The following EIF4E2 variants were observed in gnomAD, a reference collection of about 807,000 sequenced individuals.
The protein encoded by EIF4E2 is eukaryotic translation initiation factor 4E type 2.
In EIF4E2, 13 loss-of-function variants were observed where a neutral mutation model predicts 34.2. That is an observed-to-expected ratio of 0.38 (90% CI 0.25 to 0.60). The LOEUF (loss-of-function observed/expected upper bound fraction) is 0.60. Ranked by LOEUF, EIF4E2 falls within the 20% of genes least tolerant of loss-of-function variation. The pLI is 0.62. For synonymous variants in EIF4E2, 100 were observed against 106.6 expected (o/e 0.94, Z 0.38); for missense variants, 222 against 315.1 (o/e 0.70, Z 2.24).
chr2:232,556,668 C>A, intron 2 of EIF4E2, 138 bp downstream of exon 2: 1 of 656,610 alleles, frequency 1.5e-6, no homozygotes, highest in Non-Finnish European at 2.7e-6. Flanking sequence ...CTCAGAAAAA[C>A]ATTGTGCAAT....
exon 7 of EIF4E2, chr2:232,583,389 C>A (rs1172848362): frequency 6.5e-6 from 1 of 153,150 alleles, no homozygotes; most frequent in African/African-American, 2.4e-5. Context: ...TGAAATTGGC[C>A]CCTACTCCTC....
At chr2:232,567,322 G>C (rs1692970544) in intron 6 of EIF4E2, 108 bp downstream of exon 6, 2 of 1,549,400 alleles carry the variant, frequency 1.3e-6, no homozygotes. Flanking sequence ...TTGTGGAGAA[G>C]GGACAGACCA....
chr2:232,561,884 G>T lies in EIF4E2; in HGVS notation c.271-2363G>T, dbSNP rs570107483. On this transcript the variant is annotated intron_variant, in intron 3 of 6. Coordinates refer to ENST00000258416, the MANE Select transcript of EIF4E2 (RefSeq NM_004846.4). The stretch of plus-strand genomic sequence containing the variant: ...TCTGTGAATGCTTATTTTTTTTTTT[G>T]GTTTCAATTAGAACTGTCAAATCTT... Among the ~76,000 whole-genome samples the T allele has an allele frequency of 3.1e-3, 451 of 145,304 alleles. 2 individuals carry two copies. Among genetic ancestry groups the T allele is most frequent in the African/African-American group, 0.011 (407 of 38,704 alleles).
At chr2:232,577,553 A>G (rs1378358145) in intron 6 of EIF4E2, among the ~76,000 whole-genome samples, 2 of 152,194 alleles carry the variant, frequency 1.3e-5, no homozygotes, top group African/African-American at 4.8e-5. Flanking sequence ...CCATTTCTCT[A>G]AAAGTACTAA....
intron 4 of EIF4E2, 124 bp downstream of exon 4, chr2:232,564,475 G>C: frequency 1.8e-6 from 1 of 562,628 alleles, no homozygotes. Context: ...TATTTGAGAC[G>C]GAGTGTCGCT....
intron 1 of EIF4E2, among the ~76,000 whole-genome samples, chr2:232,552,793 T>C (rs1461477546): frequency 3.7e-5 from 3 of 81,272 alleles, no homozygotes; most frequent in Admixed American, 3.1e-4. Flanking sequence ...CCCTCTAGCA[T>C]TGCAGGAAAA....
chr2:232,582,322 A>G (rs1693378875), exon 7 of EIF4E2: 1 of 152,584 alleles, frequency 6.6e-6, no homozygotes, highest in South Asian at 2.1e-4. Context: ...AGTAACAGGC[A>G]TTTCCTTATT....
rs1306442856 is a variant in EIF4E2, at chr2:232,556,401, T to G, written c.21-15T>G. 22 of 1,597,932 alleles carry G rather than the reference T, an allele frequency of 1.4e-5. No homozygotes were observed. The highest frequency in any genetic ancestry group is 1.9e-5 in the Non-Finnish European group (22 of 1,166,200). On this transcript the variant is annotated splice_polypyrimidine_tract_variant and intron_variant, in intron 1 of 6. Transcript: ENST00000258416. ...ACTTCGTCACAGAATTGTATTGTGT[T>G]GCCTTTCCATTCAGTTTGAAAGATG...
chr2:232,578,662 C>G (rs1030095826), intron 6 of EIF4E2, among the ~76,000 whole-genome samples: 4 of 152,012 alleles, frequency 2.6e-5, no homozygotes, highest in Admixed American at 6.6e-5. Flanking sequence ...GTTTTTAGAG[C>G]TCTCCAGTTT....
At chr2:232,561,319 C>T (rs934101353) in intron 3 of EIF4E2, among the ~76,000 whole-genome samples, 9 of 135,534 alleles carry the variant, frequency 6.6e-5, no homozygotes, top group Non-Finnish European at 1.3e-4. Context: ...TTTTTATTTC[C>T]CTCTTGTGAA....
chr2:232,551,273 CT>C (rs1454069083), intron 1 of EIF4E2: 2 of 472,088 alleles, frequency 4.2e-6, no homozygotes, highest in Non-Finnish European at 8.8e-6. Context: ...AATTATCTTC[CT>C]GAGACTCTTC....
downstream of EIF4E2, chr2:232,573,845 G>A (rs1394824235): frequency 2.8e-6 from 1 of 354,060 alleles, no homozygotes; most frequent in East Asian, 7.3e-5. Flanking sequence ...TACCCTCAGT[G>A]AGGCCTGATG....
chr2:232,578,370 C>T (rs549702649), intron 6 of EIF4E2, among the ~76,000 whole-genome samples: 6 of 152,168 alleles, frequency 3.9e-5, no homozygotes, highest in Non-Finnish European at 8.8e-5. Context: ...CGGTGGCTCA[C>T]GCCTGTAATC....
At chr2:232,552,399 GA>G (rs2106231971) in intron 1 of EIF4E2, among the ~76,000 whole-genome samples, 1 of 152,170 alleles carries the variant, frequency 6.6e-6, no homozygotes, top group African/African-American at 2.4e-5. Flanking sequence ...TTTTTGTAGA[GA>G]CGGGGTTTCG....
chr2:232,561,943 A>G (rs187886033), intron 3 of EIF4E2, among the ~76,000 whole-genome samples: 43 of 152,168 alleles, frequency 2.8e-4, no homozygotes, highest in African/African-American at 9.9e-4. Context: ...GGCCAGGCAC[A>G]GTAGCTAATG....
Position 232,566,681 on chromosome 2 carries a change from T to C in EIF4E2, c.376-148T>C. The C allele has an allele frequency of 1.1e-6, 1 of 886,832 alleles. No homozygotes were observed. Among genetic ancestry groups the C allele is most frequent in the Non-Finnish European group, 1.7e-6 (1 of 595,470 alleles). 54.9% of individuals were successfully genotyped at this position (886,832 alleles called of 1,614,324 possible). A position where few individuals can be genotyped will look rare whatever the true frequency, so the allele number is the denominator to read the frequency against. On this transcript the variant is annotated intron_variant, in intron 4 of 6. Transcript: ENST00000258416. This position sits in a 1 kb window ranked among gnomAD's most constrained non-coding sequence, Gnocchi z 4.9. ...TTTTCCCCATTTCTTCTCTCCCTAG[T>C]CCTACCATCAGTTTTTCTATAGAGT...
chr2:232,572,257 C>G (rs1422621991), downstream of EIF4E2, among the ~76,000 whole-genome samples: 3 of 152,184 alleles, frequency 2.0e-5, no homozygotes, highest in African/African-American at 7.2e-5. Context: ...GTAGATTTGC[C>G]TCTTGGCCGA....
chr2:232,569,117 G>A lies in EIF4E2; in HGVS notation c.*100G>A, dbSNP rs1201996898. The A allele has an allele frequency of 1.3e-6, 2 of 1,532,414 alleles. No individual in the cohort carries two copies. The highest frequency in any genetic ancestry group is 8.8e-7 in the Non-Finnish European group (1 of 1,137,728). The allele number at this position is 1,532,414 out of a possible 1,614,324, so 94.9% of individuals were successfully genotyped here. A position where few individuals can be genotyped will look rare whatever the true frequency, so the allele number is the denominator to read the frequency against. On this transcript the variant is annotated 3_prime_UTR_variant, in exon 7 of 7. Coordinates refer to ENST00000258416, the MANE Select transcript of EIF4E2 (RefSeq NM_004846.4). ...TGGAAGATCCTTCTGTCCTGGACAA[G>A]AGGAATTGGAAGAGCATTTTATGTT...
At chr2:232,562,407 G>A (rs1692756123) in intron 3 of EIF4E2, among the ~76,000 whole-genome samples, 2 of 151,976 alleles carry the variant, frequency 1.3e-5, no homozygotes, top group African/African-American at 4.8e-5. Flanking sequence ...ATGGTGAATG[G>A]TGAAACCCCA....
Sources: gnomAD v4.1 joint callset for allele counts (sites outside exome capture counted in the v4.1 genomes callset) on GRCh38, gnomAD v4.1.1 for gene constraint, Gnocchi (gnomAD v3.1) non-coding constraint, MANE v1.5 for transcripts, NCBI Gene and HGNC (gene_info 2026-07-23, HGNC 2026-07-21) for gene names.